The following HKDC1 variants were observed in gnomAD, a reference collection of about 807,000 sequenced individuals.
HKDC1 encodes hexokinase HKDC1.
A neutral mutation model predicts 96.6 loss-of-function variants in HKDC1; 66 were observed. The observed-to-expected ratio is 0.68, with a 90% confidence interval of 0.56 to 0.84. The LOEUF is 0.84. Ranked by LOEUF, HKDC1 falls within the 40% of genes least tolerant of loss-of-function variation. The pLI, the probability that HKDC1 is intolerant of heterozygous loss-of-function variation, is 0.00. For synonymous variants in HKDC1, 466 were observed against 473.1 expected, an observed-to-expected ratio of 0.98 and a Z score of 0.20; for missense variants, 1,211 against 1,208.1, an observed-to-expected ratio of 1.00 and a Z score of -0.04.
rs2132332557 is a variant in HKDC1, at chr10:69,227,333, T to C, written c.190T>C (p.Leu64=). 1 of 1,614,230 alleles carries C rather than the reference T, an allele frequency of 6.2e-7. No homozygotes were observed. The highest frequency in any genetic ancestry group is 8.5e-7 in the Non-Finnish European group (1 of 1,180,038). The change falls in exon 2 of 18, where the codon TTG becomes CTG. Residue 64 remains leucine (L), a synonymous_variant. Transcript: ENST00000354624. ...CAACCCCACGGCTGCAGTGAAGATG[T>C]TGCCCACCTTCGTCAGGGCCATTCC... ...DTNPTAAVKM[L]PTFVRAIPDG...
intron 16 of HKDC1, 78 bp downstream of exon 16, chr10:69,261,372 T>C (rs1843807744): frequency 1.4e-6 from 2 of 1,448,486 alleles, no homozygotes; most frequent in Non-Finnish European, 1.9e-6. Context: ...CAATTTGAGG[T>C]TTAAAAATAA....
intron 8 of HKDC1, 58 bp from the exon 9 acceptor site, chr10:69,247,302 C>T: frequency 8.5e-7 from 1 of 1,177,118 alleles, no homozygotes; most frequent in East Asian, 2.3e-5. Context: ...CTTGTTCCCC[C>T]AGGAGGATAC....
chr10:69,248,511 G>T lies in HKDC1; in HGVS notation c.1353G>T (p.Lys451Asn). ...RFLLSESGSTKGAAMVTAVAS... is the reference protein window; with the variant it reads ...RFLLSESGSTNGAAMVTAVAS... ...TCCTGTCAGAGAGTGGCAGCACCAA[G>T]GGGGCCGCCATGGTGACCGCGGTGG... Residue 451 changes from lysine to asparagine, a missense_variant, in exon 10 of 18, where the codon AAG (lysine) becomes AAT (asparagine). Coordinates refer to ENST00000354624, the MANE Select transcript of HKDC1 (RefSeq NM_025130.4). 1 of 1,612,922 alleles carries T rather than the reference G, an allele frequency of 6.2e-7. No individual in the cohort carries two copies.
chr10:69,262,936 G>A (rs927164656), intron 16 of HKDC1, among the ~76,000 whole-genome samples: 12 of 149,022 alleles, frequency 8.1e-5, no homozygotes, highest in African/African-American at 1.2e-4. Flanking sequence ...TTTTTTTTCC[G>A]TAATAAAAGA....
At chr10:69,255,068 C>T (rs72814245) in intron 12 of HKDC1, among the ~76,000 whole-genome samples, 18,458 of 152,258 alleles carry the variant, frequency 0.12, 1,459 homozygotes, top group Middle Eastern at 0.2. Flanking sequence ...CAGCTGTCTG[C>T]GGTCCTGACG....
chr10:69,248,918 CAAA>C, intron 10 of HKDC1, 190 bp downstream of exon 10: 1 of 587,172 alleles, frequency 1.7e-6, no homozygotes, highest in South Asian at 2.5e-5. Context: ...GCAGTAAAAA[CAAA>C]ACAAATAAAC....
In HKDC1 at chr10:69,262,995, G is replaced by T. The variant is rs1328266881; in HGVS notation, c.2372+1701G>T. On this transcript the variant is annotated intron_variant, in intron 16 of 17. Transcript: ENST00000354624. ...AGGTGGTAACACTCTTATGCCACCA[G>T]AAAGATTTGCTTCTGCTGCACAAGA... is the stretch of plus-strand genomic sequence containing the variant. Among the ~76,000 whole-genome samples, 3 of 152,042 alleles carry T rather than the reference G, an allele frequency of 2.0e-5. No individual in the cohort carries two copies. The East Asian group carries it at 5.8e-4, about 29-fold the overall frequency.
chr10:69,220,843 A>C (rs1843049085), intron 1 of HKDC1, among the ~76,000 whole-genome samples: 1 of 152,214 alleles, frequency 6.6e-6, no homozygotes, highest in Admixed American at 6.5e-5. Flanking sequence ...TTTTCAAAGA[A>C]GTTTTAAGAA....
chr10:69,263,429 A>T (rs961265412), intron 16 of HKDC1, among the ~76,000 whole-genome samples: 2 of 134,372 alleles, frequency 1.5e-5, no homozygotes, highest in Admixed American at 7.0e-5. Context: ...TTCATGGAAT[A>T]AAAAAAAAAT....
At chr10:69,251,763 CTT>C (rs60120681) in intron 12 of HKDC1, among the ~76,000 whole-genome samples, 19 of 140,824 alleles carry the variant, frequency 1.3e-4, no homozygotes, top group East Asian at 2.1e-4. Flanking sequence ...GTTTTCTTTT[CTT>C]TTTTTTTTTT....
Position 69,254,235 on chromosome 10 carries a change from G to A in HKDC1, c.1837-2801G>A, listed in dbSNP as rs964504637. Among the ~76,000 whole-genome samples, 6 of 152,150 alleles carry A rather than the reference G, an allele frequency of 3.9e-5. No homozygotes were observed. The East Asian group carries it at 7.7e-4, about 19-fold the overall frequency. ...CAGGAGAATCGCTAGAACTCAGGAG[G>A]TGGAGGTTGCAGTGAGCTGAGATTA... On this transcript the variant is annotated intron_variant, in intron 12 of 17. Coordinates refer to ENST00000354624, the MANE Select transcript of HKDC1 (RefSeq NM_025130.4).
At chr10:69,224,720 A>G (rs913291562) in intron 1 of HKDC1, among the ~76,000 whole-genome samples, 8 of 152,316 alleles carry the variant, frequency 5.3e-5, no homozygotes, top group Admixed American at 3.3e-4. Flanking sequence ...GACGAGCTCT[A>G]AGGCCCCTCC....
At chr10:69,254,868 A>G (rs1184856971) in intron 12 of HKDC1, among the ~76,000 whole-genome samples, 2 of 152,230 alleles carry the variant, frequency 1.3e-5, no homozygotes, top group African/African-American at 4.8e-5. Context: ...AATACTAATA[A>G]ATGGAGAGGA....
chr10:69,265,823 G>T lies in HKDC1; in HGVS notation c.2606+5G>T. 1 of 1,604,536 alleles carries T rather than the reference G, an allele frequency of 6.2e-7. No homozygotes were observed. Among genetic ancestry groups the T allele is most frequent in the Non-Finnish European group, 8.5e-7 (1 of 1,173,208 alleles). On this transcript the variant is annotated splice_donor_5th_base_variant and intron_variant, in intron 17 of 17. Coordinates refer to ENST00000354624, the MANE Select transcript of HKDC1 (RefSeq NM_025130.4). ...CCTGTACAAGCTGCACCCTCAGTGA[G>T]TGCCCACAAGAGGCGTGGCGGGTGG... is the stretch of plus-strand genomic sequence containing the variant.
intron 7 of HKDC1, among the ~76,000 whole-genome samples, chr10:69,245,200 C>A (rs1346798899): frequency 6.6e-6 from 1 of 152,120 alleles, no homozygotes; most frequent in East Asian, 1.9e-4. Flanking sequence ...CTGTACCTGG[C>A]CTGTTCTAAG....
Position 69,258,880 on chromosome 10 carries a change from G to A in HKDC1, c.2137G>A (p.Asp713Asn), listed in dbSNP as rs1336899989. Reference sequence around the variant, plus strand: ...CAATACAGAGTGGGGAGGATTTGGAGACAATGGCTGCATAGATGACATCTG... The same window carrying A: ...CAATACAGAGTGGGGAGGATTTGGAAACAATGGCTGCATAGATGACATCTG... ...CINTEWGGFG[D>N]NGCIDDIWTR... The change falls in exon 15 of 18, where the codon GAC (aspartate) becomes AAC (asparagine). Residue 713 changes from aspartate to asparagine, a missense_variant. Asp to Asn is a conservative substitution (Grantham distance 23). Coordinates refer to ENST00000354624, the MANE Select transcript of HKDC1 (RefSeq NM_025130.4). 6.2e-7 allele frequency: 1 copy of A among 1,612,886 alleles called. No individual in the cohort carries two copies. Among genetic ancestry groups the A allele is most frequent in the East Asian group, 2.2e-5 (1 of 44,848 alleles).
At chr10:69,261,486 C>A (rs1843810270) in intron 16 of HKDC1, 192 bp downstream of exon 16, 1 of 551,514 alleles carries the variant, frequency 1.8e-6, no homozygotes, top group African/African-American at 1.9e-5. Flanking sequence ...CATGGCCAAA[C>A]TGGGCTCATC....
At chr10:69,257,793 T>C (rs532658960) in intron 14 of HKDC1, among the ~76,000 whole-genome samples, 42 of 152,200 alleles carry the variant, frequency 2.8e-4, no homozygotes, top group Non-Finnish European at 5.3e-4. Context: ...CTCTGAATTC[T>C]TCTGGTTCTC....
chr10:69,256,887 G>C, intron 12 of HKDC1, 149 bp from the exon 13 acceptor site: 2 of 657,652 alleles, frequency 3.0e-6, no homozygotes, highest in East Asian at 5.5e-5. Context: ...GCTGTGCCCA[G>C]GGTTAGGGTT....
Sources: gnomAD v4.1 joint callset for allele counts (sites outside exome capture counted in the v4.1 genomes callset) on GRCh38, gnomAD v4.1.1 for gene constraint, MANE v1.5 for transcripts, NCBI Gene and HGNC (gene_info 2026-07-23, HGNC 2026-07-21) for gene names.